ZNF385D: variants seen among roughly 807,000 people sequenced by gnomAD.
ZNF385D encodes the protein zinc finger protein 385D.
A neutral mutation model predicts 35.8 loss-of-function variants in ZNF385D; 15 were observed. The ratio of observed to expected loss-of-function variants is 0.42; its 90% CI spans 0.28 to 0.64. ZNF385D has a LOEUF of 0.64. ZNF385D is among the 30% of genes least tolerant of loss of function. The pLI, the probability that ZNF385D is intolerant of heterozygous loss-of-function variation, is 0.23. For missense variants in ZNF385D, 474 were observed against 494.6 expected, an observed-to-expected ratio of 0.96 and a Z score of 0.39; for synonymous variants, 212 against 186.8, an observed-to-expected ratio of 1.13 and a Z score of -1.10.
intron 1 of ZNF385D, among the ~76,000 whole-genome samples, chr3:21,721,296 G>A (rs1050578587): frequency 6.6e-6 from 1 of 151,786 alleles, no homozygotes; most frequent in South Asian, 2.1e-4. Context: ...GAAGCAGAGT[G>A]GGTGAGATAA....
chr3:21,589,915 T>C (rs1256002666), intron 2 of ZNF385D, among the ~76,000 whole-genome samples: 3 of 152,148 alleles, frequency 2.0e-5, no homozygotes, highest in Admixed American at 2.0e-4. Flanking sequence ...TTAGTAGCAC[T>C]CTTTGGTAAC....
intron 3 of ZNF385D, among the ~76,000 whole-genome samples, chr3:22,076,513 T>C (rs1700472123): frequency 6.6e-6 from 1 of 151,920 alleles, no homozygotes; most frequent in African/African-American, 2.4e-5. Context: ...AAGTTGGTCC[T>C]CCAGTGTTAT....
At chr3:21,748,135 C>T (rs1288681143) in intron 1 of ZNF385D, among the ~76,000 whole-genome samples, 2 of 152,024 alleles carry the variant, frequency 1.3e-5, no homozygotes, top group Non-Finnish European at 2.9e-5. Context: ...TACAAATGAA[C>T]GATTATTGAA....
intron 2 of ZNF385D, among the ~76,000 whole-genome samples, chr3:22,259,110 A>G (rs1459279580): frequency 6.6e-6 from 1 of 151,916 alleles, no homozygotes; most frequent in Non-Finnish European, 1.5e-5. Flanking sequence ...CTTTGAGTAA[A>G]TATTTCTCTT....
intron 3 of ZNF385D, among the ~76,000 whole-genome samples, chr3:21,945,048 A>C (rs1471934944): frequency 6.6e-6 from 1 of 152,040 alleles, no homozygotes; most frequent in African/African-American, 2.4e-5. Flanking sequence ...AATATACATC[A>C]TAATATTTGT....
chr3:21,869,900 A>G (rs1697592223), intron 3 of ZNF385D, among the ~76,000 whole-genome samples: 1 of 152,102 alleles, frequency 6.6e-6, no homozygotes, highest in Admixed American at 6.6e-5. Flanking sequence ...AATTAACAAT[A>G]GGGCATTCTT....
chr3:21,976,187 G>A (rs561566156), intron 3 of ZNF385D, among the ~76,000 whole-genome samples: 150 of 152,228 alleles, frequency 9.9e-4, no homozygotes, highest in Admixed American at 2.7e-3. Context: ...GCCTGCCAGA[G>A]GATAGGTTAA....
At chr3:22,123,958 C>CTATATATA (rs1369577983) in intron 3 of ZNF385D, among the ~76,000 whole-genome samples, 33 of 79,766 alleles carry the variant, frequency 4.1e-4, no homozygotes, top group African/African-American at 1.3e-3. Flanking sequence ...CTCTCTCTCT[C>CTATATATA]TCTCTATATA....
At chr3:21,722,984 T>C (rs750947113) in intron 1 of ZNF385D, among the ~76,000 whole-genome samples, 2 of 152,178 alleles carry the variant, frequency 1.3e-5, no homozygotes, top group Admixed American at 1.3e-4. Context: ...GCTCACATAT[T>C]TGTCACCCAG....
At chr3:21,491,167 G>A (rs1264065700) in intron 4 of ZNF385D, among the ~76,000 whole-genome samples, 2 of 141,742 alleles carry the variant, frequency 1.4e-5, no homozygotes, top group African/African-American at 5.3e-5. Context: ...ACAGGCAAAA[G>A]GGGTGGTACA....
chr3:22,290,992 A>G (rs1042329491), intron 2 of ZNF385D, among the ~76,000 whole-genome samples: 5 of 152,090 alleles, frequency 3.3e-5, no homozygotes, highest in African/African-American at 1.2e-4. Flanking sequence ...TTCTTCTTAT[A>G]TGGGCACTAC....
At chr3:22,366,297 T>C (rs1438960955) in intron 2 of ZNF385D, among the ~76,000 whole-genome samples, 1 of 152,146 alleles carries the variant, frequency 6.6e-6, no homozygotes, top group East Asian at 1.9e-4. Flanking sequence ...GGTAATGCTA[T>C]TATTTATACA....
At chr3:21,925,635 C>CA (rs1217127342) in intron 3 of ZNF385D, among the ~76,000 whole-genome samples, 22 of 152,100 alleles carry the variant, frequency 1.4e-4, no homozygotes. Context: ...TGGACTTCAT[C>CA]AAACCTACAA....
chr3:21,447,134 T>C (rs1273997813), intron 4 of ZNF385D, among the ~76,000 whole-genome samples: 1 of 152,198 alleles, frequency 6.6e-6, no homozygotes, highest in Admixed American at 6.5e-5. Flanking sequence ...TGAGTGGGTC[T>C]GGCTATTGTA....
In ZNF385D at chr3:21,560,289, C is replaced by T. The variant is rs200853354; in HGVS notation, c.276+4285G>A. Among the ~76,000 whole-genome samples the T allele has an allele frequency of 3.3e-5, 5 of 152,124 alleles. No homozygotes were observed. In the East Asian group the frequency reaches 5.8e-4, roughly 18 times the overall value. ...TTTTGGGCTGGTTTCTCCCCATCTT[C>T]GTGGATTCATCTATCTTTGGTCTTT... On this transcript the variant is annotated intron_variant, in intron 3 of 7. Coordinates refer to ENST00000281523, the MANE Select transcript of ZNF385D (RefSeq NM_024697.3).
At chr3:21,756,095 C>G (rs139071767), upstream of ZNF385D, among the ~76,000 whole-genome samples, 386 of 152,228 alleles carry the variant, frequency 2.5e-3, 5 homozygotes, top group Middle Eastern at 0.014. Flanking sequence ...AACAAGTTCA[C>G]TATGACTGAC....
At chr3:22,233,666 A>G (rs1200258703) in intron 2 of ZNF385D, among the ~76,000 whole-genome samples, 2 of 152,042 alleles carry the variant, frequency 1.3e-5, no homozygotes, top group Non-Finnish European at 2.9e-5. Flanking sequence ...TACCCACACC[A>G]CTTCACTGAA....
At chr3:21,738,161 T>C (rs1420256161) in intron 1 of ZNF385D, among the ~76,000 whole-genome samples, 1 of 152,208 alleles carries the variant, frequency 6.6e-6, no homozygotes, top group Non-Finnish European at 1.5e-5. Flanking sequence ...ATTGGTTCTC[T>C]TGTGAGTTTG....
At chr3:21,454,325 T>C (rs1323529136) in intron 4 of ZNF385D, among the ~76,000 whole-genome samples, 1 of 152,164 alleles carries the variant, frequency 6.6e-6, no homozygotes, top group African/African-American at 2.4e-5. Context: ...TACTTTAAAA[T>C]GGTCAAATAG....
Sources: gnomAD v4.1 joint callset for allele counts (sites outside exome capture counted in the v4.1 genomes callset) on GRCh38, gnomAD v4.1.1 for gene constraint, MANE v1.5 for transcripts, NCBI Gene and HGNC (gene_info 2026-07-23, HGNC 2026-07-21) for gene names.